The following EPN2 variants were observed in gnomAD, a reference collection of about 807,000 sequenced individuals.
EPN2 encodes the protein epsin 2, also known as epsin-2.
EPN2 carries 34 observed loss-of-function variants against 61.7 expected under a neutral mutation model. The ratio of observed to expected loss-of-function variants is 0.55; its 90% CI spans 0.42 to 0.73. EPN2 has a LOEUF of 0.73. Among genes scored for constraint, EPN2 ranks in the 30% least tolerant of loss-of-function variants. EPN2 has a pLI of 0.00. For missense variants in EPN2, 714 were observed against 839.2 expected, an observed-to-expected ratio of 0.85 and a Z score of 1.84; for synonymous variants, 349 against 353.6, an observed-to-expected ratio of 0.99 and a Z score of 0.15.
chr17:19,299,055 T>C (rs929246647), intron 4 of EPN2, among the ~76,000 whole-genome samples: 4 of 152,192 alleles, frequency 2.6e-5, no homozygotes, highest in African/African-American at 9.7e-5. Flanking sequence ...GACAAATGTT[T>C]TCCAAACAGA....
intron 6 of EPN2, 119 bp downstream of exon 6, chr17:19,312,263 A>T (rs553315687): frequency 1.4e-6 from 1 of 736,464 alleles, no homozygotes; most frequent in East Asian, 2.5e-5. Context: ...CTCAGCAAAT[A>T]ACCTTCATGC....
chr17:19,275,625 G>C (rs1220678817), intron 1 of EPN2, among the ~76,000 whole-genome samples: 2 of 152,168 alleles, frequency 1.3e-5, no homozygotes, highest in Non-Finnish European at 2.9e-5. Context: ...CTGGGCGGGG[G>C]AACTGTGGGG....
intron 5 of EPN2, 37 bp downstream of exon 5, chr17:19,310,034 C>CAGA: frequency 4.1e-6 from 6 of 1,446,802 alleles, no homozygotes; most frequent in Non-Finnish European, 5.8e-6. Context: ...GCATTGACTG[C>CAGA]CCATGCTCAG....
intron 1 of EPN2, among the ~76,000 whole-genome samples, chr17:19,251,811 G>A (rs2045018915): frequency 6.6e-6 from 1 of 151,918 alleles, no homozygotes; most frequent in Admixed American, 6.6e-5. Flanking sequence ...GAACTGCTTG[G>A]GACTAGAAAT....
chr17:19,276,607 A>G (rs1175059197), intron 1 of EPN2: 5 of 151,976 alleles, frequency 3.3e-5, no homozygotes, highest in African/African-American at 4.8e-5. Context: ...ATTTAAAAAT[A>G]TTTCAAGTTT....
At chr17:19,286,298 T>G (rs4924972) in intron 4 of EPN2, among the ~76,000 whole-genome samples, 4,947 of 152,278 alleles carry the variant, frequency 0.032, 345 homozygotes, top group South Asian at 0.2. Context: ...GCTTCCCAAT[T>G]AACTGCTGTT....
chr17:19,238,033 C>G (rs759195907), intron 1 of EPN2, among the ~76,000 whole-genome samples: 7 of 146,834 alleles, frequency 4.8e-5, no homozygotes, highest in African/African-American at 1.9e-4. Context: ...GGGTCCTTAT[C>G]TCTGTCCGGG....
chr17:19,285,477 G>GT lies in EPN2; in HGVS notation c.596-142dup, dbSNP rs1243449224. 6.8e-5 allele frequency: 88 copies of GT among 1,299,488 alleles called. No homozygotes were observed. In the South Asian group the frequency reaches 1.6e-3, roughly 23 times the overall value. 80.5% of individuals were successfully genotyped at this position (1,299,488 alleles called of 1,614,324 possible). ...GCTGCATGTTCAGGGTCAGAATGTG[G>GT]TCAGTGGGCTTTTCACAGCTTCCAC... On this transcript the variant is annotated intron_variant, in intron 3 of 10. Transcript: ENST00000314728. The surrounding 1 kb of genome is among the most constrained non-coding windows in gnomAD (Gnocchi z 4.5).
At chr17:19,243,384 ATTTTTTTTTTTTTT>A (rs1013094131) in intron 1 of EPN2, among the ~76,000 whole-genome samples, 2 of 77,280 alleles carry the variant, frequency 2.6e-5, no homozygotes, top group Non-Finnish European at 4.4e-5. Context: ...TGCCTGGCTA[ATTTTTTTTTTTTTT>A]TTTTTTTTTT....
intron 4 of EPN2, among the ~76,000 whole-genome samples, chr17:19,286,961 G>T (rs1010768106): frequency 6.6e-6 from 1 of 152,142 alleles, no homozygotes; most frequent in Non-Finnish European, 1.5e-5. Flanking sequence ...AGCAGGTCCC[G>T]CGGAACTCTC....
chr17:19,313,127 C>CTACGCT lies in EPN2; in HGVS notation c.996_1001dup (p.Thr333_Leu334dup), dbSNP rs762571448. The stretch of plus-strand genomic sequence containing the variant: ...AAGCATGGCTCTCTCCCACAGCAGA[C>CTACGCT]TACGCTGTTGGATTTAATGGATGCT... On this transcript the variant is annotated inframe_insertion, in exon 7 of 11. Transcript: ENST00000314728. The CTACGCT allele has an allele frequency of 2.5e-6, 4 of 1,613,894 alleles. No individual in the cohort carries two copies. The highest frequency in any genetic ancestry group is 3.4e-6 in the Non-Finnish European group (4 of 1,179,864).
intron 7 of EPN2, among the ~76,000 whole-genome samples, chr17:19,327,532 G>A (rs1479953799): frequency 6.6e-6 from 1 of 152,068 alleles, no homozygotes; most frequent in African/African-American, 2.4e-5. Context: ...AAAATTAGCC[G>A]GGCGTGGTGA....
chr17:19,292,641 A>G (rs1373779528), intron 4 of EPN2, among the ~76,000 whole-genome samples: 3 of 152,266 alleles, frequency 2.0e-5, no homozygotes, highest in Non-Finnish European at 4.4e-5. Flanking sequence ...TATCAGGTAT[A>G]AAAGATGCTC....
intron 4 of EPN2, among the ~76,000 whole-genome samples, chr17:19,297,793 A>G (rs2045535180): frequency 6.6e-6 from 1 of 152,212 alleles, no homozygotes. Context: ...TAGGACAATT[A>G]TGCAGTTTGA....
At chr17:19,251,016 C>T (rs917539263) in intron 1 of EPN2, among the ~76,000 whole-genome samples, 9 of 152,122 alleles carry the variant, frequency 5.9e-5, no homozygotes, top group Non-Finnish European at 1.3e-4. Context: ...GCCATGATTC[C>T]TTGTCTCTTG....
chr17:19,246,353 C>G (rs967975527), intron 1 of EPN2, among the ~76,000 whole-genome samples: 1 of 152,098 alleles, frequency 6.6e-6, no homozygotes, highest in African/African-American at 2.4e-5. Flanking sequence ...GAGACTGTCT[C>G]AAAATAATAA....
chr17:19,329,008 C>G, intron 8 of EPN2, 121 bp downstream of exon 8: 1 of 882,816 alleles, frequency 1.1e-6, no homozygotes, highest in Non-Finnish European at 1.7e-6. Flanking sequence ...CCTCCTCCCC[C>G]TTAGCCTTTG....
chr17:19,288,330 C>G (rs984927660), intron 4 of EPN2, among the ~76,000 whole-genome samples: 1 of 152,216 alleles, frequency 6.6e-6, no homozygotes, highest in African/African-American at 2.4e-5. Context: ...GAGCCCCTTG[C>G]CCTCGTGGAG....
At chr17:19,238,989 T>C (rs1010710213) in intron 1 of EPN2, among the ~76,000 whole-genome samples, 1 of 152,230 alleles carries the variant, frequency 6.6e-6, no homozygotes, top group African/African-American at 2.4e-5. Context: ...TTATGCTGAA[T>C]CTGGCACAGC....
Sources: allele counts gnomAD v4.1 joint callset (sites outside exome capture counted in the v4.1 genomes callset), GRCh38; gene constraint gnomAD v4.1.1; non-coding constraint Gnocchi (gnomAD v3.1); transcripts MANE v1.5; gene names NCBI Gene and HGNC (gene_info 2026-07-23, HGNC 2026-07-21).